Variants in SLC35D1 observed in about 807,000 individuals in gnomAD.
SLC35D1 encodes solute carrier family 35 member D1.
SLC35D1 carries 31 observed loss-of-function variants against 46.7 expected under a neutral mutation model. The ratio of observed to expected loss-of-function variants is 0.66; its 90% CI spans 0.50 to 0.90. SLC35D1 has a LOEUF of 0.90. Ranked by LOEUF, SLC35D1 falls within the 40% of genes least tolerant of loss-of-function variation. The probability of loss-of-function intolerance (pLI) is 0.00; values close to 1 mark genes in which losing one functional copy is unlikely to be tolerated. For synonymous variants in SLC35D1, 195 were observed against 164.6 expected, an observed-to-expected ratio of 1.18 and a Z score of -1.41; for missense variants, 397 against 426.2, an observed-to-expected ratio of 0.93 and a Z score of 0.60.
intron 10 of SLC35D1, among the ~76,000 whole-genome samples, chr1:67,014,670 G>GTTTTTTT (rs34459732): frequency 4.1e-4 from 41 of 99,958 alleles, no homozygotes; most frequent in East Asian, 6.7e-4. Context: ...TCAATTTTTA[G>GTTTTTTT]TTTTTTTTTT....
At chr1:67,042,063 T>C (rs1351114637) in intron 8 of SLC35D1, among the ~76,000 whole-genome samples, 173 bp downstream of exon 8, 6 of 152,210 alleles carry the variant, frequency 3.9e-5, no homozygotes, top group African/African-American at 1.2e-4. Flanking sequence ...TACTATCCAA[T>C]GTTTACGCCA....
the SLC35D1 span, among the ~76,000 whole-genome samples, chr1:66,978,127 C>T: frequency 2.0e-5 from 3 of 149,214 alleles, no homozygotes; most frequent in South Asian, 2.1e-4. Context: ...ACCCAGGAGG[C>T]GGAGGTTGCA....
chr1:67,031,450 G>A (rs990972896), intron 8 of SLC35D1, among the ~76,000 whole-genome samples: 3 of 151,960 alleles, frequency 2.0e-5, no homozygotes, highest in Non-Finnish European at 2.9e-5. Context: ...TGCCTATTAT[G>A]TACCAGGCTC....
chr1:66,996,709 T>C (rs1667241953), downstream of SLC35D1, among the ~76,000 whole-genome samples: 1 of 152,238 alleles, frequency 6.6e-6, no homozygotes, highest in African/African-American at 2.4e-5. Context: ...ACAATGGCAC[T>C]AGCTCTGTGC....
rs1667398165 is a variant in SLC35D1 at position 67,004,152 on chromosome 1, TAG to T, written c.*186_*187del. The T allele has an allele frequency of 5.0e-6, 3 of 598,948 alleles. No individual in the cohort carries two copies. Among genetic ancestry groups the T allele is most frequent in the East Asian group, 3.0e-5 (1 of 33,424 alleles). 37.1% of individuals were successfully genotyped at this position (598,948 alleles called of 1,614,324 possible). ...ATTAATTCAAACAACATATTTAAAA[TAG>T]AGTCAATTATAAGTTTCTCTCTTCA... is the stretch of plus-strand genomic sequence containing the variant. On this transcript the variant is annotated 3_prime_UTR_variant, in exon 12 of 12. Transcript: ENST00000235345.
chr1:67,010,301 C>T (rs940670240), intron 10 of SLC35D1, among the ~76,000 whole-genome samples: 16 of 152,100 alleles, frequency 1.1e-4, no homozygotes, highest in South Asian at 6.2e-4. Flanking sequence ...AATTTACCCA[C>T]GTAACAAACC....
chr1:67,054,038 G>A lies in SLC35D1; in HGVS notation c.-25C>T, dbSNP rs375862170. The A allele has an allele frequency of 1.4e-5, 23 of 1,603,704 alleles. No homozygotes were observed. The highest frequency in any genetic ancestry group is 1.7e-5 in the Non-Finnish European group (20 of 1,175,348). On this transcript the variant is annotated 5_prime_UTR_variant, in exon 1 of 12. Coordinates refer to ENST00000235345, the MANE Select transcript of SLC35D1 (RefSeq NM_015139.3). ...TGGCTGCCGCAGCAGCGGTGGCCTGGCGGCGGGGCCTAGCGGCTCGGGGGC... is the reference window on the plus strand; with the variant it reads ...TGGCTGCCGCAGCAGCGGTGGCCTGACGGCGGGGCCTAGCGGCTCGGGGGC...
the SLC35D1 span, among the ~76,000 whole-genome samples, chr1:66,973,187 A>G: frequency 6.6e-6 from 1 of 152,170 alleles, no homozygotes; most frequent in South Asian, 2.1e-4. Context: ...GACTGTTTTC[A>G]GTGCATCATA....
chr1:66,980,524 A>AT, the SLC35D1 span, among the ~76,000 whole-genome samples: 1 of 152,208 alleles, frequency 6.6e-6, no homozygotes, highest in Non-Finnish European at 1.5e-5. Context: ...GATAACTACA[A>AT]TTAATAGCAT....
intron 10 of SLC35D1, among the ~76,000 whole-genome samples, chr1:67,013,597 T>C (rs1212343740): frequency 6.6e-6 from 1 of 152,112 alleles, no homozygotes; most frequent in African/African-American, 2.4e-5. Flanking sequence ...TTCCTACTCC[T>C]CCTTCCTCCT....
chr1:67,008,294 A>G (rs2755266), intron 11 of SLC35D1: 315,011 of 496,656 alleles, frequency 0.63, 104,907 homozygotes, highest in East Asian at 0.84. Context: ...GCCTGCCACC[A>G]CATCCAGCTA....
intron 8 of SLC35D1, among the ~76,000 whole-genome samples, chr1:67,022,846 C>T (rs530761753): frequency 4.6e-4 from 70 of 152,294 alleles, no homozygotes; most frequent in African/African-American, 1.7e-3. Context: ...ATCTCCCCTC[C>T]ATTTCTAGCC....
chr1:67,046,482 T>C (rs763584887), intron 7 of SLC35D1, among the ~76,000 whole-genome samples: 4 of 152,194 alleles, frequency 2.6e-5, no homozygotes, highest in Admixed American at 1.3e-4. Flanking sequence ...AATTATGAGA[T>C]AAAAATGTAC....
chr1:66,978,235 A>C, the SLC35D1 span, among the ~76,000 whole-genome samples: 8 of 151,160 alleles, frequency 5.3e-5, no homozygotes, highest in Non-Finnish European at 8.8e-5. Flanking sequence ...TGTTTATTTG[A>C]TCTTGCTCTT....
the SLC35D1 span, chr1:66,985,814 A>ATTTTTTTT: frequency 3.2e-6 from 2 of 630,458 alleles, no homozygotes; most frequent in Non-Finnish European, 1.9e-6. Flanking sequence ...GGATTATAAA[A>ATTTTTTTT]TTTTTTTTTT....
At chr1:67,053,756 G>A (rs1558169860) in intron 1 of SLC35D1, 55 bp downstream of exon 1, 8 of 1,409,172 alleles carry the variant, frequency 5.7e-6, no homozygotes, top group Non-Finnish European at 7.4e-6. Flanking sequence ...GCGCCGCGCC[G>A]CCGCCGCCGC....
At chr1:67,039,072 G>A (rs1031639751) in intron 8 of SLC35D1, among the ~76,000 whole-genome samples, 2 of 152,116 alleles carry the variant, frequency 1.3e-5, no homozygotes, top group East Asian at 3.9e-4. Flanking sequence ...TGGCCTTTCA[G>A]AGCCCCCTTG....
the SLC35D1 span, among the ~76,000 whole-genome samples, chr1:66,993,111 G>A: frequency 6.6e-6 from 1 of 152,144 alleles, no homozygotes. Flanking sequence ...CTTTCTCCTA[G>A]CTTTTTCCCA....
the SLC35D1 span, among the ~76,000 whole-genome samples, chr1:66,991,205 A>ACTT: frequency 2.0e-5 from 3 of 152,154 alleles, no homozygotes; most frequent in African/African-American, 7.2e-5. Flanking sequence ...ATTTTTGAAA[A>ACTT]CTTTTCTTTC....
Sources: allele counts gnomAD v4.1 joint callset (sites outside exome capture counted in the v4.1 genomes callset), GRCh38; gene constraint gnomAD v4.1.1; transcripts MANE v1.5; gene names NCBI Gene and HGNC (gene_info 2026-07-23, HGNC 2026-07-21).